RALGAPA1: variants seen among roughly 807,000 people sequenced by gnomAD.
RALGAPA1 encodes ral GTPase-activating protein subunit alpha-1.
In RALGAPA1, 52 loss-of-function variants were observed where a neutral mutation model predicts 269.6. The observed-to-expected ratio is 0.19, with a 90% CI of 0.15 to 0.24. RALGAPA1 has a LOEUF of 0.24. RALGAPA1 is among the 10% of genes least tolerant of loss of function. The pLI is 1.00. For missense variants in RALGAPA1, 1,917 were observed against 3,013.9 expected (o/e 0.64, Z 8.52); for synonymous variants, 817 against 1,008.3 (o/e 0.81, Z 3.60).
chr14:35,740,569 G>C (rs943866754), intron 11 of RALGAPA1, among the ~76,000 whole-genome samples: 13 of 152,218 alleles, frequency 8.5e-5, no homozygotes, highest in African/African-American at 2.7e-4. Context: ...CACTTTGGGA[G>C]GCTGAGGTGG....
intron 17 of RALGAPA1, among the ~76,000 whole-genome samples, chr14:35,693,728 TGGTA>T: frequency 6.6e-6 from 1 of 152,120 alleles, no homozygotes; most frequent in South Asian, 2.1e-4. Flanking sequence ...GAAAATGCTT[TGGTA>T]AAATAAATTT....
chr14:35,778,502 T>A (rs1328210248), intron 1 of RALGAPA1, among the ~76,000 whole-genome samples: 1 of 152,230 alleles, frequency 6.6e-6, no homozygotes, highest in East Asian at 1.9e-4. Context: ...TCAAATGTCT[T>A]ATTGTCTTTC....
At chr14:35,761,673 C>T (rs1358186433) in intron 5 of RALGAPA1, among the ~76,000 whole-genome samples, 2 of 152,118 alleles carry the variant, frequency 1.3e-5, no homozygotes, top group South Asian at 2.1e-4. Context: ...GATTAATGAA[C>T]ATTCTCTCAG....
Position 35,627,118 on chromosome 14 carries a change from T to C in RALGAPA1, c.6829A>G (p.Ile2277Val), listed in dbSNP as rs888053165. 3 of 1,553,944 alleles carry C rather than the reference T, an allele frequency of 1.9e-6. No homozygotes were observed. Among genetic ancestry groups the C allele is most frequent in the Admixed American group, 2.2e-5 (1 of 46,492 alleles). Residue 2277 changes from isoleucine (I) to valine (V), a missense_variant, in exon 34 of 42, where the codon ATA becomes GTA. Around this residue, in one of 11 missense-constraint regions of RALGAPA1, gnomAD observed 132 missense variants for 271.2 expected, o/e 0.49. Transcript: ENST00000680220. ...AFYYCRLLLS[I>V]LGMNSWDKRR... ...TTGTCCCAGGAATTCATTCCCAATATACTAAGAAGCAATCTGCAATAATAA... is the reference window on the plus strand; with the variant it reads ...TTGTCCCAGGAATTCATTCCCAATACACTAAGAAGCAATCTGCAATAATAA...
intron 35 of RALGAPA1, among the ~76,000 whole-genome samples, chr14:35,622,573 TA>T (rs1372923755): frequency 2.6e-4 from 39 of 151,876 alleles, no homozygotes; most frequent in Admixed American, 1.7e-3. Context: ...AAACATAAAA[TA>T]AAAATGATAG....
chr14:35,799,438 T>G (rs1408119138), intron 1 of RALGAPA1, among the ~76,000 whole-genome samples: 16 of 152,016 alleles, frequency 1.1e-4, no homozygotes, highest in Admixed American at 1.0e-3. Context: ...AATGCGTGCC[T>G]GTAATCCCAG....
intron 1 of RALGAPA1, among the ~76,000 whole-genome samples, chr14:35,804,626 A>C (rs1029961607): frequency 2.0e-5 from 3 of 151,832 alleles, no homozygotes; most frequent in Admixed American, 6.6e-5. Flanking sequence ...GTGAGTAACT[A>C]TTCAGAAATA....
intron 1 of RALGAPA1, among the ~76,000 whole-genome samples, chr14:35,806,566 G>A (rs1335630050): frequency 6.6e-6 from 1 of 152,064 alleles, no homozygotes; most frequent in African/African-American, 2.4e-5. Flanking sequence ...AGTTTACAGC[G>A]GATGTTTAAA....
At chr14:35,783,800 C>T (rs1261118049) in intron 1 of RALGAPA1, among the ~76,000 whole-genome samples, 4 of 152,018 alleles carry the variant, frequency 2.6e-5, no homozygotes, top group Admixed American at 2.0e-4. Flanking sequence ...AGCCAGTAAG[C>T]TCATGAAAAA....
chr14:35,694,546 T>C (rs1053429510), intron 17 of RALGAPA1, among the ~76,000 whole-genome samples: 1 of 152,186 alleles, frequency 6.6e-6, no homozygotes, highest in African/African-American at 2.4e-5. Flanking sequence ...TGTAATCATA[T>C]GAAAAGACTT....
At chr14:35,688,385 G>A (rs1410932914) in intron 18 of RALGAPA1, 74 bp downstream of exon 18, 1 of 1,507,920 alleles carries the variant, frequency 6.6e-7, no homozygotes, top group African/African-American at 1.4e-5. Context: ...ATTGCTTATA[G>A]CTTGCTTCAG....
rs2058245756 is a variant in RALGAPA1 at position 35,585,834 on chromosome 14, A to G, written c.7209+9800T>C. On this transcript the variant is annotated intron_variant, in intron 37 of 41. Transcript: ENST00000680220. The stretch of plus-strand genomic sequence containing the variant: ...ATATCTCTGTTTTGGTACCAGTACC[A>G]TCCTGTTTTGGTTACTGTAGCCTTG... Among the ~76,000 whole-genome samples, 3 of 152,202 alleles carry G rather than the reference A, an allele frequency of 2.0e-5. No homozygotes were observed. The South Asian group carries it at 6.2e-4, about 32-fold the overall frequency.
intron 37 of RALGAPA1, among the ~76,000 whole-genome samples, chr14:35,585,458 A>AT (rs2058219308): frequency 0.05 from 3 of 60 alleles, no homozygotes; most frequent in South Asian, 0.38. Context: ...AAAGTTCTGT[A>AT]AGAGACAGTG....
chr14:35,795,666 C>G (rs116185787), intron 1 of RALGAPA1, among the ~76,000 whole-genome samples: 23 of 151,882 alleles, frequency 1.5e-4, no homozygotes, highest in African/African-American at 5.3e-4. Context: ...GATTGTATCC[C>G]GGAAAAAAGC....
chr14:35,716,633 A>T (rs1029485009), intron 16 of RALGAPA1, among the ~76,000 whole-genome samples: 1 of 152,122 alleles, frequency 6.6e-6, no homozygotes, highest in Non-Finnish European at 1.5e-5. Context: ...TATCCCCAAA[A>T]TAATTTTTAT....
At position 35,627,648 on chromosome 14, in the gene RALGAPA1, T is replaced by C; in HGVS notation, c.6299A>G (p.Asn2100Ser). ...LSAGLASANS[N>S]VRIIVRDLSG... ...GAGATCACGTACTATGATTCTGACATTTGAATTGGCTGATGCAAGGCCAGC... is the reference window on the plus strand; with the variant it reads ...GAGATCACGTACTATGATTCTGACACTTGAATTGGCTGATGCAAGGCCAGC... The change falls in exon 34 of 42, where the codon AAT (asparagine) becomes AGT (serine). Residue 2100 changes from asparagine (N) to serine (S), a missense_variant. Transcript: ENST00000680220. 6.3e-7 allele frequency: 1 copy of C among 1,590,294 alleles called. No individual in the cohort carries two copies. Among genetic ancestry groups the C allele is most frequent in the South Asian group, 1.1e-5 (1 of 87,488 alleles).
intron 39 of RALGAPA1, among the ~76,000 whole-genome samples, chr14:35,554,838 T>C (rs1002565090): frequency 7.9e-5 from 12 of 152,176 alleles, no homozygotes; most frequent in Non-Finnish European, 1.8e-4. Context: ...GACCTTGTCT[T>C]CTTATATTTA....
intron 1 of RALGAPA1, among the ~76,000 whole-genome samples, chr14:35,806,600 T>C (rs1213633060): frequency 4.6e-5 from 7 of 152,214 alleles, no homozygotes; most frequent in Admixed American, 3.9e-4. Flanking sequence ...CTCATACATA[T>C]AGATGCACTG....
intron 37 of RALGAPA1, among the ~76,000 whole-genome samples, chr14:35,591,169 A>C (rs1172296716): frequency 6.6e-6 from 1 of 152,210 alleles, no homozygotes; most frequent in Admixed American, 6.5e-5. Flanking sequence ...CATCAATATC[A>C]TTCTATGATA....
Sources: gnomAD v4.1 joint callset for allele counts (sites outside exome capture counted in the v4.1 genomes callset) on GRCh38, gnomAD v4.1.1 for gene constraint, gnomAD v4.1.1 regional missense constraint, MANE v1.5 for transcripts, NCBI Gene and HGNC (gene_info 2026-07-23, HGNC 2026-07-21) for gene names.